PIK3CB: variants seen among roughly 807,000 people sequenced by gnomAD.
PIK3CB encodes phosphatidylinositol-4,5-bisphosphate 3-kinase catalytic subunit beta, also known as phosphatidylinositol 4,5-bisphosphate 3-kinase catalytic subunit beta isoform.
PIK3CB carries 39 observed loss-of-function variants against 136.8 expected under a neutral mutation model. That is an observed-to-expected ratio of 0.29 (90% CI 0.22 to 0.37). PIK3CB has a LOEUF of 0.37. Among genes scored for constraint, PIK3CB ranks in the 10% least tolerant of loss-of-function variants. PIK3CB has a pLI of 1.00. For missense variants in PIK3CB, 868 were observed against 1,275.4 expected (o/e 0.68, Z 4.87); for synonymous variants, 428 against 436.6 (o/e 0.98, Z 0.25).
intron 2 of PIK3CB, among the ~76,000 whole-genome samples, chr3:138,794,501 C>A (rs899681351): frequency 6.6e-6 from 1 of 152,088 alleles, no homozygotes; most frequent in Admixed American, 6.6e-5. Flanking sequence ...GCTAGCATAA[C>A]CTTTTAGGTG....
At chr3:138,706,475 T>C (rs2044380038) in intron 11 of PIK3CB, among the ~76,000 whole-genome samples, 1 of 152,242 alleles carries the variant, frequency 6.6e-6, no homozygotes, top group Non-Finnish European at 1.5e-5. Flanking sequence ...AAATCAATTG[T>C]TCTTTGAGTA....
intron 2 of PIK3CB, among the ~76,000 whole-genome samples, chr3:138,771,769 G>T (rs1371641547): frequency 6.6e-6 from 1 of 151,816 alleles, no homozygotes; most frequent in Non-Finnish European, 1.5e-5. Context: ...TTTAAAAATT[G>T]GCTGGGTGTG....
chr3:138,810,784 G>A (rs1268322722), intron 1 of PIK3CB, among the ~76,000 whole-genome samples: 1 of 152,100 alleles, frequency 6.6e-6, no homozygotes, highest in Non-Finnish European at 1.5e-5. Context: ...GCTGGGCATG[G>A]TGGCAGGCGC....
At position 138,655,511 on chromosome 3, in the gene PIK3CB, C is replaced by T; in HGVS notation, c.3091G>A (p.Gly1031Arg). ...IQYLKDSLALGKSEEEALKQF... is the reference protein window; with the variant it reads ...IQYLKDSLALRKSEEEALKQF... The stretch of plus-strand genomic sequence containing the variant: ...TTGAGTGCTTCTTCTTCACTCTTCC[C>T]TAATGCAAGAGAGTCCTAAAATGGA... Residue 1031 changes from glycine to arginine, a missense_variant, in exon 24 of 24, where the codon GGG becomes AGG. Gly to Arg is a moderately radical substitution (Grantham distance 125). Transcript: ENST00000674063. 4 of 1,611,258 alleles carry T rather than the reference C, an allele frequency of 2.5e-6. No individual in the cohort carries two copies. Among genetic ancestry groups the T allele is most frequent in the Non-Finnish European group, 3.4e-6 (4 of 1,177,450 alleles).
chr3:138,719,678 T>C (rs928523888), intron 8 of PIK3CB, among the ~76,000 whole-genome samples: 3 of 152,204 alleles, frequency 2.0e-5, no homozygotes, highest in African/African-American at 7.2e-5. Flanking sequence ...CATACAACAA[T>C]TATTTTCTCC....
intron 10 of PIK3CB, among the ~76,000 whole-genome samples, chr3:138,711,777 G>C (rs1312612433): frequency 1.3e-5 from 2 of 151,686 alleles, no homozygotes; most frequent in Admixed American, 1.3e-4. Context: ...CAAAATAATG[G>C]TACATTATTT....
chr3:138,815,149 AAAAAAAAAAAAAAAT>A (rs1933253073), intron 1 of PIK3CB, among the ~76,000 whole-genome samples: 1 of 115,524 alleles, frequency 8.7e-6, no homozygotes, highest in Admixed American at 8.9e-5. Flanking sequence ...CAAAAAAAAA[AAAAAAAAAAAAAAAT>A]ATATATATAT....
intron 8 of PIK3CB, among the ~76,000 whole-genome samples, chr3:138,728,790 A>G (rs2044900715): frequency 6.6e-6 from 1 of 151,946 alleles, no homozygotes; most frequent in East Asian, 1.9e-4. Context: ...AAAAAAAAAA[A>G]AAAGAAAACC....
At chr3:138,659,957 G>A (rs1396585761) in intron 21 of PIK3CB, among the ~76,000 whole-genome samples, 1 of 132,308 alleles carries the variant, frequency 7.6e-6, no homozygotes, top group East Asian at 2.4e-4. Context: ...CTTACTGCAA[G>A]CTCCACCTCC....
chr3:138,796,732 T>C (rs1246166399), intron 1 of PIK3CB, 165 bp from the exon 2 acceptor site: 1 of 152,206 alleles, frequency 6.6e-6, no homozygotes, highest in East Asian at 1.9e-4. Flanking sequence ...ATTTTGGCCA[T>C]TTTCTTATTG....
At chr3:138,743,173 AAC>A (rs2045278171) in intron 4 of PIK3CB, among the ~76,000 whole-genome samples, 1 of 152,202 alleles carries the variant, frequency 6.6e-6, no homozygotes, top group East Asian at 1.9e-4. Context: ...GAATCTGAAA[AAC>A]AGTTTCAATA....
At chr3:138,788,723 G>A (rs1230178529) in intron 2 of PIK3CB, among the ~76,000 whole-genome samples, 20 of 144,202 alleles carry the variant, frequency 1.4e-4, no homozygotes, top group Non-Finnish European at 2.1e-4. Context: ...AGCACTTTGG[G>A]AGGCCAAGGC....
At chr3:138,814,255 A>G (rs1933200403) in intron 1 of PIK3CB, among the ~76,000 whole-genome samples, 1 of 152,072 alleles carries the variant, frequency 6.6e-6, no homozygotes, top group Non-Finnish European at 1.5e-5. Flanking sequence ...AGGCGGGAGG[A>G]TCACTTGAAA....
At chr3:138,813,256 G>A (rs780745680) in intron 1 of PIK3CB, among the ~76,000 whole-genome samples, 3 of 151,886 alleles carry the variant, frequency 2.0e-5, no homozygotes, top group Non-Finnish European at 4.4e-5. Context: ...CCAGCATTTC[G>A]TACTCATAGA....
intron 2 of PIK3CB, chr3:138,778,701 T>C: frequency 4.6e-6 from 1 of 217,448 alleles, no homozygotes; most frequent in Non-Finnish European, 9.3e-6. Flanking sequence ...ACCTTCAATG[T>C]TGGAGCTGGT....
At chr3:138,750,543 G>A (rs1036806807) in intron 4 of PIK3CB, among the ~76,000 whole-genome samples, 8 of 152,122 alleles carry the variant, frequency 5.3e-5, no homozygotes, top group Admixed American at 2.6e-4. Context: ...AAGTTCAGGT[G>A]GTAATGCTCA....
chr3:138,657,727 G>A lies in PIK3CB; in HGVS notation c.2905C>T (p.Gln969Ter). 6.2e-7 allele frequency: 1 copy of A among 1,613,192 alleles called. No homozygotes were observed. Among genetic ancestry groups the A allele is most frequent in the Non-Finnish European group, 8.5e-7 (1 of 1,179,374 alleles). Residue 969 changes from glutamine (Q) to a stop codon, truncating the protein, a stop_gained, in exon 22 of 24, where the codon CAA (glutamine) becomes TAA (stop). Coordinates refer to ENST00000674063, the MANE Select transcript of PIK3CB (RefSeq NM_006219.3). LOFTEE classifies it high-confidence loss of function. ...ILTYDFIHVI[Q>*]QGKTGNTEKF... is the part of the protein sequence containing the mutation. ...TCTGTATTTCCTGTTTTTCCTTGTT[G>A]AATGACATGGATGAAATCATAGGTA...
intron 2 of PIK3CB, among the ~76,000 whole-genome samples, chr3:138,794,608 T>C (rs2046088531): frequency 6.6e-6 from 1 of 152,182 alleles, no homozygotes; most frequent in Admixed American, 6.6e-5. Flanking sequence ...CATTATATAC[T>C]GAATACATAT....
At chr3:138,689,222 A>G (rs1362790965) in intron 15 of PIK3CB, among the ~76,000 whole-genome samples, 1 of 152,166 alleles carries the variant, frequency 6.6e-6, no homozygotes, top group Non-Finnish European at 1.5e-5. Context: ...CTAAAATAAA[A>G]AAGTGTAGCT....
Sources: allele counts gnomAD v4.1 joint callset (sites outside exome capture counted in the v4.1 genomes callset), GRCh38; gene constraint gnomAD v4.1.1; transcripts MANE v1.5; gene names NCBI Gene and HGNC (gene_info 2026-07-23, HGNC 2026-07-21).